DLC1: variants seen among roughly 807,000 people sequenced by gnomAD.
DLC1 encodes the protein DLC1 Rho GTPase activating protein, also known as rho GTPase-activating protein 7.
DLC1 carries 54 observed loss-of-function variants against 140.3 expected under a neutral mutation model. The observed-to-expected ratio is 0.38, with a 90% CI of 0.31 to 0.48. The LOEUF is 0.48. Among genes scored for constraint, DLC1 ranks in the 20% least tolerant of loss-of-function variants. The probability of loss-of-function intolerance (pLI) is 0.96; values close to 1 mark genes in which losing one functional copy is unlikely to be tolerated. For missense variants in DLC1, 2,536 were observed against 1,907.0 expected, an observed-to-expected ratio of 1.33 and a Z score of -6.14; for synonymous variants, 986 against 728.1, an observed-to-expected ratio of 1.35 and a Z score of -5.70.
chr8:13,085,792 G>T lies in DLC1; in HGVS notation c.*19C>A. 6.2e-7 allele frequency: 1 copy of T among 1,613,938 alleles called. No homozygotes were observed. Among genetic ancestry groups the T allele is most frequent in the Non-Finnish European group, 8.5e-7 (1 of 1,179,940 alleles). On this transcript the variant is annotated 3_prime_UTR_variant, in exon 18 of 18. Transcript: ENST00000276297. ...AAACAAACACCATGGTGGTGGAAGCGGTTGCGTTGCTTCAGTGATCACCTA... is the reference window on the plus strand; with the variant it reads ...AAACAAACACCATGGTGGTGGAAGCTGTTGCGTTGCTTCAGTGATCACCTA...
At chr8:13,534,933 C>T (rs1265916787) in intron 1 of DLC1, among the ~76,000 whole-genome samples, 1 of 151,528 alleles carries the variant, frequency 6.6e-6, no homozygotes, top group African/African-American at 2.4e-5. Context: ...ACTCCTCTAA[C>T]TGATGTAGTA....
chr8:13,251,358 C>G (rs1829996340), intron 5 of DLC1, among the ~76,000 whole-genome samples: 1 of 152,094 alleles, frequency 6.6e-6, no homozygotes, highest in East Asian at 1.9e-4. Flanking sequence ...CCTTGTTTTT[C>G]TCATTTTGCT....
chr8:13,103,168 G>A (rs1284207496), intron 7 of DLC1, among the ~76,000 whole-genome samples: 1 of 151,894 alleles, frequency 6.6e-6, no homozygotes, highest in African/African-American at 2.4e-5. Flanking sequence ...AAAACAAGCC[G>A]GGCCTGGTGG....
At chr8:13,316,509 G>A (rs1038370845) in intron 4 of DLC1, among the ~76,000 whole-genome samples, 4 of 151,882 alleles carry the variant, frequency 2.6e-5, no homozygotes, top group South Asian at 2.1e-4. Flanking sequence ...ATATGAGAAC[G>A]CTTTATATGG....
chr8:13,500,061 G>A lies in DLC1; in HGVS notation c.11C>T (p.Ala4Val). The change falls in exon 2 of 18, where the codon GCT becomes GTT. Residue 4 changes from alanine (A) to valine (V), a missense_variant. Ala to Val is a moderately conservative substitution (Grantham distance 64). Coordinates refer to ENST00000276297, the MANE Select transcript of DLC1 (RefSeq NM_182643.3). ...TTCTTCCCAGCTTCTCTTTCTGATA[G>A]CTACAGACATGTCATCGTAGTTTAA... MSV[A>V]IRKRSWEEHV... 6.2e-7 allele frequency: 1 copy of A among 1,613,202 alleles called. No homozygotes were observed. Among genetic ancestry groups the A allele is most frequent in the Non-Finnish European group, 8.5e-7 (1 of 1,179,358 alleles).
chr8:13,235,899 G>T (rs895945219), intron 5 of DLC1, among the ~76,000 whole-genome samples: 1 of 151,916 alleles, frequency 6.6e-6, no homozygotes, highest in African/African-American at 2.4e-5. Flanking sequence ...TTTTCAGAGA[G>T]ATTGAAGACT....
intron 2 of DLC1, among the ~76,000 whole-genome samples, chr8:13,415,063 T>G (rs910569749): frequency 7.9e-5 from 12 of 152,134 alleles, no homozygotes; most frequent in African/African-American, 2.7e-4. Context: ...TTGCCCACCT[T>G]GGCCTCCTAA....
At chr8:13,447,177 G>T (rs1315299566) in intron 2 of DLC1, among the ~76,000 whole-genome samples, 1 of 151,982 alleles carries the variant, frequency 6.6e-6, no homozygotes, top group Non-Finnish European at 1.5e-5. Context: ...GTTGATTTTT[G>T]GAATGAGAAT....
intron 1 of DLC1, among the ~76,000 whole-genome samples, chr8:13,560,798 C>T (rs1036607028): frequency 6.6e-6 from 1 of 151,926 alleles, no homozygotes; most frequent in Non-Finnish European, 1.5e-5. Context: ...AATTTGGGCA[C>T]AGAGACAGGC....
At position 13,579,315 on chromosome 8, in the gene DLC1, T is replaced by TTTTTTATATA. The variant is rs1487346725; in HGVS notation, c.-126+25221_-126+25222insTATATAAAAA. On this transcript the variant is annotated intron_variant, in intron 1 of 1. Transcript: ENST00000631382. ...AAAGTCAGATACCACAGGTCTGACT[T>TTTTTTATATA]TATATATATATATATATATATATAT... 2.6e-3 allele frequency among the ~76,000 whole-genome samples: 28 copies of TTTTTTATATA among 10,664 alleles called. 4 individuals carry two copies. Among genetic ancestry groups the TTTTTTATATA allele is most frequent in the Non-Finnish European group, 3.8e-3 (23 of 6,082 alleles). The allele number at this position is 10,664 out of a possible 152,430, so 7.0% of individuals were successfully genotyped here.
At chr8:13,241,785 G>A (rs1470681035) in intron 5 of DLC1, among the ~76,000 whole-genome samples, 2 of 152,084 alleles carry the variant, frequency 1.3e-5, no homozygotes, top group Non-Finnish European at 2.9e-5. Flanking sequence ...GCATTAACAC[G>A]CTGCTCACTA....
At chr8:13,552,111 G>GTATATATA (rs3066465) in intron 1 of DLC1, among the ~76,000 whole-genome samples, 3,154 of 54,328 alleles carry the variant, frequency 0.058, 164 homozygotes, top group Non-Finnish European at 0.075. Flanking sequence ...GTCTAGAGGT[G>GTATATATA]TATATATATA....
intron 1 of DLC1, chr8:13,584,428 T>A (rs1805231165): frequency 6.5e-6 from 1 of 152,684 alleles, no homozygotes; most frequent in Admixed American, 6.5e-5. Flanking sequence ...TCTATGGCAG[T>A]GTTGATCATT....
At chr8:13,564,845 G>C (rs1349611100) in intron 1 of DLC1, among the ~76,000 whole-genome samples, 1 of 152,272 alleles carries the variant, frequency 6.6e-6, no homozygotes, top group East Asian at 1.9e-4. Flanking sequence ...GAGGGGCATA[G>C]CAAGGTTAGG....
chr8:13,395,378 C>G (rs1836993187), intron 3 of DLC1, among the ~76,000 whole-genome samples: 1 of 152,144 alleles, frequency 6.6e-6, no homozygotes, highest in African/African-American at 2.4e-5. Context: ...GCCTTGGCCT[C>G]CCAAAAGCTG....
intron 3 of DLC1, among the ~76,000 whole-genome samples, chr8:13,397,194 G>A (rs1837088354): frequency 6.6e-6 from 1 of 152,108 alleles, no homozygotes; most frequent in African/African-American, 2.4e-5. Flanking sequence ...ACAAGAAAAG[G>A]TCTCACTGCT....
chr8:13,590,077 A>ATATATATATATATATATATATCTCTC (rs11272767), intron 1 of DLC1, among the ~76,000 whole-genome samples: 2 of 145,192 alleles, frequency 1.4e-5, no homozygotes, highest in Admixed American at 6.7e-5. Context: ...ATATATATAT[A>ATATATATATATATATATATATCTCTC]CAAACACATG....
At chr8:13,587,815 T>G (rs1211662614) in intron 1 of DLC1, among the ~76,000 whole-genome samples, 6 of 151,914 alleles carry the variant, frequency 3.9e-5, no homozygotes, top group African/African-American at 1.2e-4. Flanking sequence ...AGTACTCTAC[T>G]CTCAGATTCA....
At chr8:13,515,357 G>A (rs1273043502), upstream of DLC1, 1 of 152,148 alleles carries the variant, frequency 6.6e-6, no homozygotes, top group Non-Finnish European at 1.5e-5. Flanking sequence ...AAAATCCCAA[G>A]CATCCAGTTA....
Sources: allele counts gnomAD v4.1 joint callset (sites outside exome capture counted in the v4.1 genomes callset), GRCh38; gene constraint gnomAD v4.1.1; transcripts MANE v1.5; gene names NCBI Gene and HGNC (gene_info 2026-07-23, HGNC 2026-07-21).